The following CCDC12 variants were observed in gnomAD, a reference collection of about 807,000 sequenced individuals.
CCDC12 encodes coiled-coil domain-containing protein 12.
CCDC12 carries 28 observed loss-of-function variants against 25.7 expected under a neutral mutation model. The ratio of observed to expected loss-of-function variants is 1.09; its 90% CI spans 0.81 to 1.50. The LOEUF is 1.50. Ranked by LOEUF, CCDC12 falls within the 40% of genes most tolerant of loss-of-function variation. The pLI is 0.00. For missense variants in CCDC12, 198 were observed against 210.0 expected (o/e 0.94, Z 0.35); for synonymous variants, 75 against 87.7 (o/e 0.86, Z 0.81).
upstream of CCDC12, among the ~76,000 whole-genome samples, chr3:46,981,259 A>C (rs1378416492): frequency 2.6e-5 from 4 of 152,092 alleles, no homozygotes; most frequent in African/African-American, 9.7e-5. Flanking sequence ...CCTGGCCAAC[A>C]TGGTGAAACC....
chr3:46,930,127 A>G (rs913825242), intron 2 of CCDC12, among the ~76,000 whole-genome samples: 5 of 151,260 alleles, frequency 3.3e-5, no homozygotes, highest in African/African-American at 1.2e-4. Context: ...CTCCTGTCTC[A>G]GCCTCCTGAA....
At chr3:46,948,662 G>A (rs948245664) in intron 1 of CCDC12, among the ~76,000 whole-genome samples, 2 of 152,264 alleles carry the variant, frequency 1.3e-5, no homozygotes, top group Non-Finnish European at 2.9e-5. Context: ...GCGGTGGAAA[G>A]GAGGGCCCGC....
chr3:46,939,155 G>T (rs7650142), intron 2 of CCDC12, among the ~76,000 whole-genome samples: 142,861 of 152,252 alleles, frequency 0.94, 67,722 homozygotes, highest in East Asian at 1. Flanking sequence ...CTTGCCAACT[G>T]AGTAACACAC....
chr3:46,941,817 C>T (rs1325892140), intron 1 of CCDC12, among the ~76,000 whole-genome samples: 9 of 152,186 alleles, frequency 5.9e-5, no homozygotes. Flanking sequence ...GAGCTCAGGC[C>T]TCCTGAGACA....
chr3:46,976,694 TTCC>T lies in CCDC12; in HGVS notation c.36_38del (p.Glu14del). The T allele has an allele frequency of 6.2e-7, 1 of 1,606,542 alleles. No homozygotes were observed. The highest frequency in any genetic ancestry group is 8.5e-7 in the Non-Finnish European group (1 of 1,176,800). On this transcript the variant is annotated inframe_deletion, in exon 1 of 7. Transcript: ENST00000683445. ...GCCGTTCCTTTCGCCGCAACGCCTC[TTCC>T]TCTAGCCGGCCCACACCAGCCGTAG... is the stretch of plus-strand genomic sequence containing the variant.
upstream of CCDC12, among the ~76,000 whole-genome samples, chr3:46,981,444 A>G (rs2035330313): frequency 6.6e-6 from 1 of 151,876 alleles, no homozygotes; most frequent in Non-Finnish European, 1.5e-5. Context: ...CCGTCTCAAA[A>G]AAATAAAATA....
At chr3:46,949,896 G>A (rs761637879) in intron 1 of CCDC12, among the ~76,000 whole-genome samples, 2 of 151,962 alleles carry the variant, frequency 1.3e-5, no homozygotes, top group East Asian at 1.9e-4. Flanking sequence ...GCATGGTGGC[G>A]GGCGCCTGTA....
upstream of CCDC12, chr3:46,977,041 C>A: frequency 2.3e-6 from 1 of 439,676 alleles, no homozygotes; most frequent in South Asian, 3.0e-5. Flanking sequence ...GAATTCAGAC[C>A]TGAGAGAAGG....
At chr3:46,941,528 G>A (rs1431086711) in intron 1 of CCDC12, among the ~76,000 whole-genome samples, 5 of 150,378 alleles carry the variant, frequency 3.3e-5, no homozygotes, top group African/African-American at 1.2e-4. Flanking sequence ...TCAAGCCACT[G>A]CACTCCAGCC....
At chr3:46,952,753 A>G (rs57246717) in intron 1 of CCDC12, among the ~76,000 whole-genome samples, 10,432 of 152,280 alleles carry the variant, frequency 0.069, 1,198 homozygotes, top group African/African-American at 0.23. Flanking sequence ...AGTAGTACTG[A>G]TATTATCAAA....
intron 1 of CCDC12, among the ~76,000 whole-genome samples, chr3:46,951,826 T>TATATATATATATAA (rs1460071732): frequency 8.4e-5 from 3 of 35,712 alleles, no homozygotes; most frequent in Non-Finnish European, 2.2e-4. Flanking sequence ...TATATATACT[T>TATATATATATATAA]AATGAGGATC....
intron 1 of CCDC12, among the ~76,000 whole-genome samples, chr3:46,952,737 T>C (rs566457037): frequency 1.3e-5 from 2 of 152,354 alleles, no homozygotes; most frequent in South Asian, 4.1e-4. Flanking sequence ...ATTCCATTAA[T>C]TAAACAGTAG....
Position 46,948,866 on chromosome 3 carries a change from G to A in CCDC12, c.97-7801C>T, listed in dbSNP as rs576932719. Among the ~76,000 whole-genome samples, 3 of 152,288 alleles carry A rather than the reference G, an allele frequency of 2.0e-5. No individual in the cohort carries two copies. The South Asian group carries it at 6.2e-4, about 32-fold the overall frequency. The stretch of plus-strand genomic sequence containing the variant: ...CCTATTCTTGCTGCAAGTGCTCAAG[G>A]GAGGCACTACAGAGCTCCTCCAGCA... On this transcript the variant is annotated intron_variant, in intron 1 of 6. Coordinates refer to ENST00000683445, the MANE Select transcript of CCDC12 (RefSeq NM_001277074.2).
At chr3:46,934,546 C>T (rs1241629130) in intron 2 of CCDC12, among the ~76,000 whole-genome samples, 1 of 152,176 alleles carries the variant, frequency 6.6e-6, no homozygotes, top group Non-Finnish European at 1.5e-5. Context: ...GCTTTGGAAG[C>T]TGAGATCAGG....
chr3:46,976,378 T>G, intron 1 of CCDC12: 2 of 1,371,506 alleles, frequency 1.5e-6, no homozygotes, highest in South Asian at 1.7e-5. Flanking sequence ...GAAGCAGGAG[T>G]CAGATGGACT....
At chr3:46,923,721 G>T (rs1230477788) in intron 3 of CCDC12, 53 bp from the exon 4 acceptor site, 6 of 1,384,252 alleles carry the variant, frequency 4.3e-6, no homozygotes, top group Non-Finnish European at 5.7e-6. Context: ...CTGCCACTCT[G>T]CAGGGACACT....
intron 5 of CCDC12, chr3:46,922,552 C>A: frequency 1.7e-6 from 1 of 581,190 alleles, no homozygotes; most frequent in Non-Finnish European, 3.1e-6. Flanking sequence ...ACACAAGGGA[C>A]TGAGCTAAGG....
chr3:46,956,228 G>C (rs1447787852), intron 1 of CCDC12, among the ~76,000 whole-genome samples: 1 of 152,196 alleles, frequency 6.6e-6, no homozygotes, highest in East Asian at 1.9e-4. Flanking sequence ...GCTGATAGAG[G>C]ATAAACTAGC....
At chr3:46,925,229 T>C (rs2032894822) in intron 3 of CCDC12, 3 of 691,058 alleles carry the variant, frequency 4.3e-6, no homozygotes, top group African/African-American at 1.8e-5. Context: ...TCTCAGGGTG[T>C]GAGCAGGACT....
Sources: allele counts gnomAD v4.1 joint callset (sites outside exome capture counted in the v4.1 genomes callset), GRCh38; gene constraint gnomAD v4.1.1; transcripts MANE v1.5; gene names NCBI Gene and HGNC (gene_info 2026-07-23, HGNC 2026-07-21).